WDR41: variants seen among roughly 807,000 people sequenced by gnomAD.
WDR41 encodes the protein WD repeat domain 41.
A neutral mutation model predicts 69.3 loss-of-function variants in WDR41; 63 were observed. That is an observed-to-expected ratio of 0.91 (90% CI 0.74 to 1.12). The LOEUF (loss-of-function observed/expected upper bound fraction) is 1.12, where lower values mean the gene tolerates loss of function less well. WDR41 is among the 50% of genes most tolerant of loss of function. The probability of loss-of-function intolerance (pLI) is 0.00; values close to 1 mark genes in which losing one functional copy is unlikely to be tolerated. For missense variants in WDR41, 543 were observed against 534.5 expected, an observed-to-expected ratio of 1.02 and a Z score of -0.16; for synonymous variants, 185 against 192.1, an observed-to-expected ratio of 0.96 and a Z score of 0.31.
chr5:77,444,375 A>G (rs1328026791), intron 8 of WDR41, among the ~76,000 whole-genome samples: 1 of 152,306 alleles, frequency 6.6e-6, no homozygotes, highest in East Asian at 1.9e-4. Context: ...GTACTTCATG[A>G]TTACCAAAAG....
At chr5:77,472,269 T>C (rs1199232799) in intron 2 of WDR41, among the ~76,000 whole-genome samples, 1 of 152,200 alleles carries the variant, frequency 6.6e-6, no homozygotes, top group Non-Finnish European at 1.5e-5. Flanking sequence ...GGATGGGACA[T>C]ATCTCAAACT....
At chr5:77,577,973 T>G (rs1343447748) in intron 1 of WDR41, among the ~76,000 whole-genome samples, 1 of 152,218 alleles carries the variant, frequency 6.6e-6, no homozygotes, top group Non-Finnish European at 1.5e-5. Context: ...TAATAAAGTG[T>G]TGACTATCTC....
intron 12 of WDR41, among the ~76,000 whole-genome samples, chr5:77,433,766 CAAT>C (rs1481153840): frequency 1.3e-5 from 2 of 152,040 alleles, no homozygotes; most frequent in Non-Finnish European, 2.9e-5. Context: ...ATAATTGAAA[CAAT>C]AAAGGTACCA....
At chr5:77,489,652 A>G (rs375957184) in intron 1 of WDR41, 80 bp from the exon 2 acceptor site, 1 of 854,930 alleles carries the variant, frequency 1.2e-6, no homozygotes. Context: ...ATATTGGAAT[A>G]TAACTCCATG....
intron 1 of WDR41, among the ~76,000 whole-genome samples, chr5:77,583,971 A>G (rs1314009089): frequency 6.6e-6 from 1 of 152,254 alleles, no homozygotes; most frequent in Non-Finnish European, 1.5e-5. Context: ...AATACATCAT[A>G]TCATTAGAAT....
chr5:77,568,995 G>A lies in WDR41; in HGVS notation c.42+51484C>T, dbSNP rs534041043. 5.3e-5 allele frequency among the ~76,000 whole-genome samples: 8 copies of A among 152,230 alleles called. No homozygotes were observed. In the South Asian group the frequency reaches 1.5e-3, roughly 28 times the overall value. ...CCAGTGCAGGGACATCTCATCAGAC[G>A]TCACCCCATCGCTGTGCCCTGCCTT... On this transcript the variant is annotated intron_variant, in intron 1 of 5. Coordinates refer to the WDR41 transcript ENST00000509971.
rs1798705129 is a variant in WDR41, at chr5:77,431,083, A to AACTT, written c.*2048_*2051dup. 1 of 152,226 alleles carries AACTT rather than the reference A, an allele frequency of 6.6e-6. No individual in the cohort carries two copies. The highest frequency in any genetic ancestry group is 2.1e-4 in the South Asian group (1 of 4,828). The allele number at this position is 152,226 out of a possible 1,614,324, so 9.4% of individuals were successfully genotyped here. A position where few individuals can be genotyped will look rare whatever the true frequency, so the allele number is the denominator to read the frequency against. The stretch of plus-strand genomic sequence containing the variant: ...AACAAAGGATTTAGAATATTCTATA[A>AACTT]ACTTAGTTCATAAAGGAGCATCAGG... On this transcript the variant is annotated 3_prime_UTR_variant, in exon 13 of 13. Coordinates refer to ENST00000296679, the MANE Select transcript of WDR41 (RefSeq NM_018268.4).
intron 2 of WDR41, among the ~76,000 whole-genome samples, chr5:77,475,917 C>T (rs1358143087): frequency 6.6e-6 from 1 of 151,822 alleles, no homozygotes; most frequent in Non-Finnish European, 1.5e-5. Flanking sequence ...AAGTTGAAAA[C>T]TTTGAAAAAA....
intron 2 of WDR41, among the ~76,000 whole-genome samples, chr5:77,477,044 C>G (rs1229594182): frequency 6.7e-6 from 1 of 148,780 alleles, no homozygotes; most frequent in Non-Finnish European, 1.5e-5. Context: ...ATAAAACAGA[C>G]TTTAAACCAA....
chr5:77,579,067 C>A (rs986737774), intron 1 of WDR41, among the ~76,000 whole-genome samples: 1 of 151,684 alleles, frequency 6.6e-6, no homozygotes, highest in African/African-American at 2.4e-5. Context: ...AAACAGTGAA[C>A]TTGAAGGTAA....
At chr5:77,605,677 C>A (rs1296873925) in intron 1 of WDR41, among the ~76,000 whole-genome samples, 1 of 152,166 alleles carries the variant, frequency 6.6e-6, no homozygotes, top group Non-Finnish European at 1.5e-5. Flanking sequence ...ACAGACACAG[C>A]AGCTGGCTGG....
At chr5:77,481,504 T>C (rs965585039) in intron 2 of WDR41, among the ~76,000 whole-genome samples, 2 of 151,932 alleles carry the variant, frequency 1.3e-5, no homozygotes, top group African/African-American at 4.8e-5. Flanking sequence ...AGCCACATCC[T>C]GGCTGGGTTT....
chr5:77,489,480 A>C lies in WDR41; in HGVS notation c.144T>G (p.Phe48Leu). ...ACCTGTAGTCATCTAACTGTACCAG[A>C]AATCGTACAATATCATGATGAGCCT... is the stretch of plus-strand genomic sequence containing the variant. ...VLKAHHDIVR[F>L]LVQLDDYRFA... The change falls in exon 2 of 13, where the codon TTT (phenylalanine) becomes TTG (leucine). Residue 48 changes from phenylalanine to leucine, a missense_variant. Coordinates refer to ENST00000296679, the MANE Select transcript of WDR41 (RefSeq NM_018268.4). The C allele has an allele frequency of 6.2e-7, 1 of 1,604,550 alleles. No individual in the cohort carries two copies. The highest frequency in any genetic ancestry group is 1.1e-5 in the South Asian group (1 of 88,740).
intron 1 of WDR41, among the ~76,000 whole-genome samples, chr5:77,539,990 A>G (rs1232993715): frequency 2.6e-5 from 4 of 152,220 alleles, no homozygotes; most frequent in African/African-American, 9.6e-5. Flanking sequence ...GGGCCTTTAC[A>G]TACAGAACAG....
At chr5:77,574,233 G>C (rs1743785528) in intron 1 of WDR41, among the ~76,000 whole-genome samples, 1 of 152,094 alleles carries the variant, frequency 6.6e-6, no homozygotes, top group Admixed American at 6.5e-5. Flanking sequence ...GGGAGGCGAA[G>C]GGTGCAGTGA....
At chr5:77,498,823 AAAAAAAG>A (rs1420548216) in intron 1 of WDR41, among the ~76,000 whole-genome samples, 17 of 151,330 alleles carry the variant, frequency 1.1e-4, no homozygotes, top group Admixed American at 3.3e-4. Flanking sequence ...CATCAAAAAA[AAAAAAAG>A]AAAAAAGAAA....
At chr5:77,575,996 A>C (rs1321158038) in intron 1 of WDR41, among the ~76,000 whole-genome samples, 2 of 152,194 alleles carry the variant, frequency 1.3e-5, no homozygotes, top group African/African-American at 4.8e-5. Context: ...GTCATACAAG[A>C]ATAAAGTGAA....
chr5:77,586,309 T>C (rs1744037999), intron 1 of WDR41, among the ~76,000 whole-genome samples: 1 of 151,820 alleles, frequency 6.6e-6, no homozygotes, highest in African/African-American at 2.4e-5. Flanking sequence ...TATGTATTTA[T>C]TTATTTATTT....
chr5:77,478,727 T>C (rs1316212241), intron 2 of WDR41, among the ~76,000 whole-genome samples: 2 of 151,276 alleles, frequency 1.3e-5, no homozygotes, highest in Non-Finnish European at 3.0e-5. Context: ...TCATACTGAA[T>C]GGGCAAAAAC....
Sources: gnomAD v4.1 joint callset for allele counts (sites outside exome capture counted in the v4.1 genomes callset) on GRCh38, gnomAD v4.1.1 for gene constraint, MANE v1.5 for transcripts, NCBI Gene and HGNC (gene_info 2026-07-23, HGNC 2026-07-21) for gene names.